Variants in SOS2 observed in about 807,000 individuals in gnomAD.
The protein encoded by SOS2 is SOS Ras/Rho guanine nucleotide exchange factor 2, also known as son of sevenless homolog 2.
In SOS2, 65 loss-of-function variants were observed where a neutral mutation model predicts 148.2. That is an observed-to-expected ratio of 0.44 (90% CI 0.36 to 0.54). The LOEUF (loss-of-function observed/expected upper bound fraction) is 0.54, where lower values mean the gene tolerates loss of function less well. Among genes scored for constraint, SOS2 ranks in the 20% least tolerant of loss-of-function variants. The pLI is 0.00. For missense variants in SOS2, 1,341 were observed against 1,590.2 expected, an observed-to-expected ratio of 0.84 and a Z score of 2.67; for synonymous variants, 539 against 537.1, an observed-to-expected ratio of 1.00 and a Z score of -0.05.
chr14:50,196,622 A>C (rs1046525666), intron 4 of SOS2, among the ~76,000 whole-genome samples: 5 of 152,166 alleles, frequency 3.3e-5, no homozygotes, highest in Non-Finnish European at 7.3e-5. Context: ...AGTAAATTTC[A>C]AATGTTCTCA....
At chr14:50,220,405 CAA>C (rs367829144) in intron 1 of SOS2, among the ~76,000 whole-genome samples, 1,117 of 30,456 alleles carry the variant, frequency 0.037, 69 homozygotes, top group African/African-American at 0.15. Context: ...GACTCCATCT[CAA>C]AAAAAAAAAA....
At position 50,145,231 on chromosome 14, in the gene SOS2, A is replaced by G. The variant is rs750095346; in HGVS notation, c.2606T>C (p.Val869Ala). The G allele has an allele frequency of 1.2e-5, 20 of 1,611,010 alleles. No individual in the cohort carries two copies. The highest frequency in any genetic ancestry group is 1.7e-5 in the Non-Finnish European group (20 of 1,177,478). The change falls in exon 16 of 23, where the codon GTA (valine) becomes GCA (alanine). Residue 869 changes from valine (V) to alanine (A), a missense_variant. Val to Ala is a moderately conservative substitution (Grantham distance 64). Around this residue, in one of 4 missense-constraint regions of SOS2, gnomAD observed 408 missense variants for 506.6 expected, o/e 0.81. Coordinates refer to ENST00000216373, the MANE Select transcript of SOS2 (RefSeq NM_006939.4). ...VFQDLNNFNG[V>A]LEIVSAVNSV... ...ATTTACTGCACTGACTATCTCCAAT[A>G]CGCCATTGAAATTATTCAAATCTTG...
At chr14:50,139,286 A>G (rs1884187011) in intron 17 of SOS2, among the ~76,000 whole-genome samples, 1 of 150,200 alleles carries the variant, frequency 6.7e-6, no homozygotes, top group Non-Finnish European at 1.5e-5. Flanking sequence ...ACAATAAAAA[A>G]GTTTTTAGTC....
chr14:50,173,980 C>T (rs1885447609), intron 8 of SOS2, among the ~76,000 whole-genome samples: 1 of 151,926 alleles, frequency 6.6e-6, no homozygotes, highest in African/African-American at 2.4e-5. Context: ...AAAAATTTTC[C>T]CCTACCTAGA....
chr14:50,123,656 T>C (rs542314773), intron 21 of SOS2, among the ~76,000 whole-genome samples: 1 of 151,848 alleles, frequency 6.6e-6, no homozygotes, highest in Admixed American at 6.6e-5. Flanking sequence ...GTGCTGGGAT[T>C]ACAGGGGTGA....
chr14:50,118,898 TAA>T, intron 22 of SOS2, 45 bp from the exon 23 acceptor site: 4 of 1,093,328 alleles, frequency 3.7e-6, no homozygotes, highest in Non-Finnish European at 4.8e-6. Flanking sequence ...TCTGAAAAAT[TAA>T]AAAAAAAAAT....
intron 8 of SOS2, among the ~76,000 whole-genome samples, chr14:50,171,664 C>G (rs1225926623): frequency 3.4e-5 from 4 of 118,100 alleles, no homozygotes; most frequent in South Asian, 3.0e-4. Flanking sequence ...AGCCAGGCGA[C>G]AGAGCAAAAT....
intron 9 of SOS2, among the ~76,000 whole-genome samples, 187 bp downstream of exon 9, chr14:50,161,295 C>CAAA (rs113097888): frequency 5.9e-5 from 5 of 85,150 alleles, no homozygotes; most frequent in East Asian, 3.2e-4. Context: ...GACTCCTTCT[C>CAAA]AAAAAAAAAA....
chr14:50,208,159 T>G (rs973946651), intron 1 of SOS2, among the ~76,000 whole-genome samples: 3 of 151,896 alleles, frequency 2.0e-5, no homozygotes, highest in Admixed American at 2.0e-4. Context: ...TAGCCACGCA[T>G]GGTAGAAGGC....
chr14:50,212,235 G>A (rs962872082), intron 1 of SOS2, among the ~76,000 whole-genome samples: 4 of 152,250 alleles, frequency 2.6e-5, no homozygotes, highest in African/African-American at 7.2e-5. Context: ...CAGCACTTTG[G>A]GAGGCCAAGG....
intron 21 of SOS2, among the ~76,000 whole-genome samples, chr14:50,122,806 G>A (rs902767379): frequency 2.0e-5 from 3 of 152,144 alleles, no homozygotes; most frequent in Non-Finnish European, 1.5e-5. Flanking sequence ...TTCCAAACTG[G>A]TGAATATAGC....
At position 50,231,423 on chromosome 14, in the gene SOS2, A is replaced by T. The variant is rs1887543274; in HGVS notation, c.-140T>A. 1 of 167,312 alleles carries T rather than the reference A, an allele frequency of 6.0e-6. No homozygotes were observed. Among genetic ancestry groups the T allele is most frequent in the Non-Finnish European group, 1.2e-5 (1 of 84,022 alleles). The allele number at this position is 167,312 out of a possible 1,614,324, so 10.4% of individuals were successfully genotyped here. A position where few individuals can be genotyped will look rare whatever the true frequency, so the allele number is the denominator to read the frequency against. ...CGAGGCTACGGCCGAGGCGGCTCGG[A>T]GGCGGCGCCGGCGGGCTGGCGGAGA... On this transcript the variant is annotated 5_prime_UTR_variant, in exon 1 of 23. Transcript: ENST00000216373.
In SOS2 at chr14:50,138,600, G is replaced by T; in HGVS notation, c.2958+12C>A. On this transcript the variant is annotated intron_variant, in intron 18 of 22. Coordinates refer to ENST00000216373, the MANE Select transcript of SOS2 (RefSeq NM_006939.4). ...ACGTTCTCTTCTAAAGATATGCAAA[G>T]AAAATATTTACCCTCATATCTGGTT... 7.1e-7 allele frequency: 1 copy of T among 1,414,166 alleles called. No individual in the cohort carries two copies. The highest frequency in any genetic ancestry group is 9.5e-7 in the Non-Finnish European group (1 of 1,054,408). 87.6% of individuals were successfully genotyped at this position (1,414,166 alleles called of 1,614,324 possible).
intron 21 of SOS2, among the ~76,000 whole-genome samples, chr14:50,127,763 T>C (rs1207485633): frequency 6.6e-6 from 1 of 152,244 alleles, no homozygotes; most frequent in Non-Finnish European, 1.5e-5. Flanking sequence ...TATTTGTCTA[T>C]TTCATTCACT....
chr14:50,175,586 A>G (rs1175142317), intron 7 of SOS2, among the ~76,000 whole-genome samples: 3 of 152,144 alleles, frequency 2.0e-5, no homozygotes, highest in Non-Finnish European at 4.4e-5. Context: ...AAGACTAGAA[A>G]CAGATTCCCT....
At chr14:50,128,276 G>A (rs952976083) in intron 21 of SOS2, among the ~76,000 whole-genome samples, 3 of 152,048 alleles carry the variant, frequency 2.0e-5, no homozygotes, top group African/African-American at 7.2e-5. Flanking sequence ...AAGGCACCAG[G>A]AAGGAAGATT....
At chr14:50,178,748 T>TTTGGAGACAGGGTC in intron 7 of SOS2, among the ~76,000 whole-genome samples, 1 of 141,214 alleles carries the variant, frequency 7.1e-6, no homozygotes, top group Non-Finnish European at 1.5e-5. Context: ...ATATATATTT[T>TTTGGAGACAGGGTC]TTGGAGACAG....
At chr14:50,148,783 A>G (rs983662806) in intron 14 of SOS2, among the ~76,000 whole-genome samples, 1 of 152,250 alleles carries the variant, frequency 6.6e-6, no homozygotes, top group African/African-American at 2.4e-5. Context: ...AAGTAAACAT[A>G]ATGTAGTAAA....
At chr14:50,143,797 A>G (rs1884373763) in intron 16 of SOS2, among the ~76,000 whole-genome samples, 1 of 151,206 alleles carries the variant, frequency 6.6e-6, no homozygotes, top group Non-Finnish European at 1.5e-5. Context: ...TGCCCCCGCC[A>G]GAGGCATGCA....
Sources: allele counts gnomAD v4.1 joint callset (sites outside exome capture counted in the v4.1 genomes callset), GRCh38; gene constraint gnomAD v4.1.1; regional missense constraint gnomAD v4.1.1; transcripts MANE v1.5; gene names NCBI Gene and HGNC (gene_info 2026-07-23, HGNC 2026-07-21).